ZNF827: variants seen among roughly 807,000 people sequenced by gnomAD.
ZNF827 encodes the protein zinc finger protein 827.
ZNF827 carries 13 observed loss-of-function variants against 102.4 expected under a neutral mutation model. The ratio of observed to expected loss-of-function variants is 0.13; its 90% CI spans 0.08 to 0.20. The LOEUF is 0.20. Ranked by LOEUF, ZNF827 falls within the 10% of genes least tolerant of loss-of-function variation. ZNF827 has a pLI of 1.00. For synonymous variants in ZNF827, 523 were observed against 536.2 expected, an observed-to-expected ratio of 0.98 and a Z score of 0.34; for missense variants, 1,103 against 1,344.4, an observed-to-expected ratio of 0.82 and a Z score of 2.81.
chr4:145,881,076 T>C (rs1749620242), intron 4 of ZNF827, among the ~76,000 whole-genome samples: 1 of 152,244 alleles, frequency 6.6e-6, no homozygotes, highest in Admixed American at 6.5e-5. Context: ...AACTGTATTG[T>C]AAATGCAGAG....
chr4:145,834,264 T>A (rs1043420392), intron 7 of ZNF827, among the ~76,000 whole-genome samples: 3 of 152,116 alleles, frequency 2.0e-5, no homozygotes, highest in Non-Finnish European at 2.9e-5. Flanking sequence ...CTTTTACACA[T>A]CAGTCCCTTC....
intron 8 of ZNF827, among the ~76,000 whole-genome samples, chr4:145,807,776 AAAAAAAAAAACAAAAAACAAAAAC>A (rs1364157365): frequency 2.0e-5 from 3 of 149,056 alleles, no homozygotes; most frequent in Non-Finnish European, 3.0e-5. Flanking sequence ...GGCTGCTTTA[AAAAAAAAAAACAAAAAACAAAAAC>A]AAAAAAAAAA....
At position 145,886,048 on chromosome 4, in the gene ZNF827, C is replaced by A. The variant is rs1309382204; in HGVS notation, c.1377G>T (p.Leu459=). 6.2e-7 allele frequency: 1 copy of A among 1,614,196 alleles called. No homozygotes were observed. Among genetic ancestry groups the A allele is most frequent in the Non-Finnish European group, 8.5e-7 (1 of 1,180,036 alleles). The change falls in exon 4 of 15, where the codon CTG becomes CTT. Residue 459 remains leucine (L), a synonymous_variant. Coordinates refer to ENST00000508784, the MANE Select transcript of ZNF827 (RefSeq NM_001306215.2). ...CCTCCTTCACCTTGGCTTCTGTCCT[C>A]AGGAAGTGCTGATGGCAACGCATGT... The part of the protein sequence containing the change: ...KLHMRCHQHF[L]RTEAKVKEEI...
chr4:145,769,340 C>A (rs1429431279), intron 11 of ZNF827, among the ~76,000 whole-genome samples: 1 of 152,164 alleles, frequency 6.6e-6, no homozygotes, highest in Non-Finnish European at 1.5e-5. Flanking sequence ...GTTACATTTT[C>A]TAGGTAGAAC....
chr4:145,928,755 TG>T (rs756057937), intron 1 of ZNF827, among the ~76,000 whole-genome samples: 3 of 152,156 alleles, frequency 2.0e-5, no homozygotes, highest in African/African-American at 4.8e-5. Flanking sequence ...CAGTGATGAA[TG>T]GAAAGATCAA....
At position 145,902,788 on chromosome 4, in the gene ZNF827, G is replaced by C; in HGVS notation, c.471C>G (p.Ser157=). 1 of 1,614,164 alleles carries C rather than the reference G, an allele frequency of 6.2e-7. No homozygotes were observed. Among genetic ancestry groups the C allele is most frequent in the Non-Finnish European group, 8.5e-7 (1 of 1,180,034 alleles). Residue 157 remains serine (S), a synonymous_variant, in exon 2 of 15, where the codon TCC becomes TCG. Transcript: ENST00000508784. This position sits in a 1 kb window ranked among gnomAD's most constrained non-coding sequence, Gnocchi z 4.3. ...PVNVGSNLSF[S]PPSHHAQQLS... ...GCTGCTGGGCGTGGTGGGAAGGCGG[G>C]GAAAAGGAGAGGTTCGAGCCAACGT...
intron 4 of ZNF827, 73 bp from the exon 5 acceptor site, chr4:145,870,551 G>T: frequency 1.5e-6 from 2 of 1,297,498 alleles, no homozygotes; most frequent in Non-Finnish European, 2.2e-6. Context: ...GGTACTTCAC[G>T]AAGTATGGAA....
chr4:145,872,336 G>A (rs537211926), intron 4 of ZNF827, among the ~76,000 whole-genome samples: 107 of 152,236 alleles, frequency 7.0e-4, no homozygotes, highest in Middle Eastern at 3.4e-3. Flanking sequence ...GAGAGAGAGA[G>A]ACACCAGGGA....
chr4:145,770,367 G>C (rs1328631955), intron 11 of ZNF827, among the ~76,000 whole-genome samples: 1 of 151,384 alleles, frequency 6.6e-6, no homozygotes, highest in Admixed American at 6.6e-5. Flanking sequence ...CAGAACATGT[G>C]AGTTTGAATC....
Position 145,862,771 on chromosome 4 carries a change from C to A in ZNF827, c.1981+7474G>T, listed in dbSNP as rs186326680. On this transcript the variant is annotated intron_variant, in intron 5 of 14. Coordinates refer to ENST00000508784, the MANE Select transcript of ZNF827 (RefSeq NM_001306215.2). Reference sequence around the variant, plus strand: ...CTTTATATCTCTGAAAATTAAATAGCACTATGTGAATATGAGACAGACTTT... The same window carrying A: ...CTTTATATCTCTGAAAATTAAATAGAACTATGTGAATATGAGACAGACTTT... 1.1e-4 allele frequency among the ~76,000 whole-genome samples: 16 copies of A among 152,246 alleles called. 1 individual carries two copies. The highest frequency in any genetic ancestry group is 9.8e-4 in the Admixed American group (15 of 15,292).
At chr4:145,861,125 T>G (rs1187425893) in intron 5 of ZNF827, among the ~76,000 whole-genome samples, 1 of 152,198 alleles carries the variant, frequency 6.6e-6, no homozygotes, top group Non-Finnish European at 1.5e-5. Flanking sequence ...TGTATCCAGA[T>G]GGGCACCATA....
intron 8 of ZNF827, among the ~76,000 whole-genome samples, chr4:145,800,321 T>C (rs1324999051): frequency 6.6e-6 from 1 of 151,716 alleles, no homozygotes; most frequent in African/African-American, 2.4e-5. Flanking sequence ...TATATAAACA[T>C]AGTGAAGCAA....
chr4:145,776,047 G>C (rs1711853258), intron 9 of ZNF827, 87 bp from the exon 10 acceptor site: 1 of 1,479,734 alleles, frequency 6.8e-7, no homozygotes, highest in Admixed American at 1.8e-5. Context: ...AAGGTATCAA[G>C]GAAAGAATGG....
intron 4 of ZNF827, 186 bp from the exon 5 acceptor site, chr4:145,870,664 T>C (rs1470885870): frequency 1.8e-6 from 1 of 551,670 alleles, no homozygotes; most frequent in Admixed American, 3.1e-5. Flanking sequence ...CCTACAACTC[T>C]GAGGAGTGTG....
rs1734758075 is a variant in ZNF827, at chr4:145,762,935, C to T, written c.*17+155G>A. ...GGTCTGGAGAGGTGTTCAGCAGAGC[C>T]CAACACAACCAAGTGCACCGTGCAC... On this transcript the variant is annotated intron_variant, in intron 14 of 14. Transcript: ENST00000508784. The surrounding 1 kb of genome is among the most constrained non-coding windows in gnomAD (Gnocchi z 4.9). Among the ~76,000 whole-genome samples the T allele has an allele frequency of 1.3e-5, 2 of 152,144 alleles. No homozygotes were observed. The highest frequency in any genetic ancestry group is 2.4e-5 in the African/African-American group (1 of 41,424).
At chr4:145,831,722 T>C (rs1181616716) in intron 7 of ZNF827, 2 of 152,178 alleles carry the variant, frequency 1.3e-5, no homozygotes, top group Non-Finnish European at 1.5e-5. Context: ...TAGAGATATA[T>C]ACCAAAGAAT....
intron 8 of ZNF827, among the ~76,000 whole-genome samples, chr4:145,802,552 C>G (rs986683057): frequency 6.6e-5 from 10 of 152,242 alleles, no homozygotes; most frequent in African/African-American, 2.4e-4. Context: ...GAACTCAAAG[C>G]TGGGGACTCC....
rs191200868 is a variant in ZNF827, at chr4:145,843,039, A to C, written c.2279+2917T>G. ...GCAGAGTAAGAGTTCCTTCTAAAAC[A>C]GGAGTCAGGAAAGAAGAAAGAAAAT... On this transcript the variant is annotated intron_variant, in intron 7 of 14. Coordinates refer to ENST00000508784, the MANE Select transcript of ZNF827 (RefSeq NM_001306215.2). Among the ~76,000 whole-genome samples the C allele has an allele frequency of 5.3e-5, 8 of 152,300 alleles. No individual in the cohort carries two copies. In the East Asian group the frequency reaches 1.5e-3, roughly 29 times the overall value.
chr4:145,875,990 G>T (rs989570795), intron 4 of ZNF827, among the ~76,000 whole-genome samples: 2 of 152,210 alleles, frequency 1.3e-5, no homozygotes, highest in Non-Finnish European at 2.9e-5. Flanking sequence ...CAACATACTG[G>T]AGACCACTAA....
Sources: gnomAD v4.1 joint callset for allele counts (sites outside exome capture counted in the v4.1 genomes callset) on GRCh38, gnomAD v4.1.1 for gene constraint, Gnocchi (gnomAD v3.1) non-coding constraint, MANE v1.5 for transcripts, NCBI Gene and HGNC (gene_info 2026-07-23, HGNC 2026-07-21) for gene names.